Variants in MACROD2 observed in about 807,000 individuals in gnomAD.
MACROD2 encodes the protein ADP-ribose glycohydrolase MACROD2.
A neutral mutation model predicts 70.4 loss-of-function variants in MACROD2; 36 were observed. The observed-to-expected ratio is 0.51, with a 90% CI of 0.39 to 0.68. The LOEUF (loss-of-function observed/expected upper bound fraction) is 0.68, where lower values mean the gene tolerates loss of function less well. MACROD2 is among the 30% of genes least tolerant of loss of function. The pLI is 0.00. For missense variants in MACROD2, 496 were observed against 538.4 expected, an observed-to-expected ratio of 0.92 and a Z score of 0.78; for synonymous variants, 172 against 178.8, an observed-to-expected ratio of 0.96 and a Z score of 0.30.
chr20:14,564,540 A>T (rs1435966648), intron 4 of MACROD2, among the ~76,000 whole-genome samples: 1 of 152,086 alleles, frequency 6.6e-6, no homozygotes, highest in Non-Finnish European at 1.5e-5. Context: ...TGGGCAAAGG[A>T]CATGAACAGA....
intron 5 of MACROD2, among the ~76,000 whole-genome samples, chr20:15,176,739 A>T (rs1427264205): frequency 6.6e-6 from 1 of 152,174 alleles, no homozygotes; most frequent in Admixed American, 6.5e-5. Flanking sequence ...TAACCCAAGC[A>T]GAACTGTAAC....
chr20:15,681,784 G>T (rs1356258490), intron 8 of MACROD2, among the ~76,000 whole-genome samples: 2 of 152,178 alleles, frequency 1.3e-5, no homozygotes, highest in African/African-American at 4.8e-5. Flanking sequence ...AATGTTACAT[G>T]AGGTGTGTAA....
intron 3 of MACROD2, among the ~76,000 whole-genome samples, chr20:14,384,928 A>G (rs1398618949): frequency 2.0e-5 from 3 of 152,124 alleles, no homozygotes; most frequent in African/African-American, 4.8e-5. Flanking sequence ...TTTCACAGTA[A>G]TTATAAATCA....
At chr20:14,201,469 C>A (rs1388681898) in intron 3 of MACROD2, among the ~76,000 whole-genome samples, 1 of 152,170 alleles carries the variant, frequency 6.6e-6, no homozygotes, top group African/African-American at 2.4e-5. Flanking sequence ...AAACTAGAAT[C>A]TAGCCTTCCT....
intron 5 of MACROD2, among the ~76,000 whole-genome samples, chr20:15,180,357 T>C (rs2145901304): frequency 6.6e-6 from 1 of 152,370 alleles, no homozygotes; most frequent in East Asian, 1.9e-4. Context: ...GAAATTTAGA[T>C]GGGGTATAGT....
At chr20:15,214,036 C>T (rs974185098) in intron 5 of MACROD2, among the ~76,000 whole-genome samples, 4 of 152,076 alleles carry the variant, frequency 2.6e-5, no homozygotes, top group African/African-American at 9.7e-5. Flanking sequence ...TGAGCCATGG[C>T]TCCCACCCCC....
chr20:15,615,628 C>A (rs1389564412), intron 8 of MACROD2, among the ~76,000 whole-genome samples: 1 of 152,082 alleles, frequency 6.6e-6, no homozygotes, highest in Non-Finnish European at 1.5e-5. Context: ...CAAGAAGTGA[C>A]CACAGGCCAC....
chr20:14,900,008 A>G (rs2073876886), intron 5 of MACROD2, among the ~76,000 whole-genome samples: 1 of 152,096 alleles, frequency 6.6e-6, no homozygotes, highest in Non-Finnish European at 1.5e-5. Context: ...CTGGTTGAAT[A>G]TTTTCATTAT....
At chr20:15,278,926 T>TTTTTTTTTTTTTTC (rs2077417660) in intron 6 of MACROD2, among the ~76,000 whole-genome samples, 1 of 152,228 alleles carries the variant, frequency 6.6e-6, no homozygotes, top group African/African-American at 2.4e-5. Context: ...AAACTTTTCC[T>TTTTTTTTTTTTTTC]GAATGTGAAA....
At chr20:14,560,423 A>C (rs1180527469) in intron 4 of MACROD2, among the ~76,000 whole-genome samples, 2 of 151,832 alleles carry the variant, frequency 1.3e-5, no homozygotes, top group African/African-American at 4.8e-5. Flanking sequence ...ATTCAGATAC[A>C]GACATCATTC....
intron 5 of MACROD2, among the ~76,000 whole-genome samples, chr20:14,858,689 AG>A (rs1005941576): frequency 2.0e-4 from 30 of 152,242 alleles, no homozygotes; most frequent in African/African-American, 7.0e-4. Flanking sequence ...CATTAAGGAC[AG>A]GATATCGTAT....
Position 15,699,336 on chromosome 20 carries a change from T to C in MACROD2, c.646-163409T>C, listed in dbSNP as rs570192000. ...CTTCCTGAGAGCTGAACTGCAGTAA[T>C]TGTCTCTCTTCTGGGTCTAGCCACC... On this transcript the variant is annotated intron_variant, in intron 8 of 17. Coordinates refer to ENST00000684519, the MANE Select transcript of MACROD2 (RefSeq NM_001351661.2). 4.4e-4 allele frequency among the ~76,000 whole-genome samples: 67 copies of C among 152,270 alleles called. No individual in the cohort carries two copies. The Middle Eastern group carries it at 0.014, about 31-fold the overall frequency.
intron 3 of MACROD2, among the ~76,000 whole-genome samples, chr20:14,487,833 A>G (rs1428210230): frequency 6.6e-6 from 1 of 152,172 alleles, no homozygotes; most frequent in African/African-American, 2.4e-5. Context: ...AAGACTGAGA[A>G]TTATTTTTTG....
At chr20:14,327,402 A>G in intron 3 of MACROD2, 1 of 1,613,702 alleles carries the variant, frequency 6.2e-7, no homozygotes, top group Non-Finnish European at 8.5e-7. Context: ...CATCGCAGCG[A>G]CACACAGATG....
intron 8 of MACROD2, among the ~76,000 whole-genome samples, chr20:15,561,608 T>A (rs1394074413): frequency 2.0e-5 from 3 of 150,482 alleles, no homozygotes; most frequent in South Asian, 4.2e-4. Flanking sequence ...TGAAAATCAA[T>A]TTTTTTTTAA....
chr20:15,585,405 C>T (rs1156360882), intron 8 of MACROD2, among the ~76,000 whole-genome samples: 4 of 151,840 alleles, frequency 2.6e-5, no homozygotes. Flanking sequence ...ACCATGCTGC[C>T]CAGGCTGGTC....
chr20:15,482,262 A>G (rs1374990151), intron 7 of MACROD2, among the ~76,000 whole-genome samples: 15 of 152,228 alleles, frequency 9.9e-5, no homozygotes, highest in South Asian at 4.1e-4. Flanking sequence ...ACTAATAAGT[A>G]TGGTATAATA....
intron 5 of MACROD2, among the ~76,000 whole-genome samples, chr20:14,696,159 GA>G (rs2071123569): frequency 6.6e-6 from 1 of 151,834 alleles, no homozygotes; most frequent in East Asian, 1.9e-4. Context: ...TATTATGAAC[GA>G]AAACTTCTTA....
chr20:15,288,726 A>T (rs2077514043), intron 6 of MACROD2, among the ~76,000 whole-genome samples: 1 of 151,876 alleles, frequency 6.6e-6, no homozygotes, highest in Admixed American at 6.6e-5. Context: ...AGGCCTTTGG[A>T]TTTGTACTGA....
Sources: allele counts gnomAD v4.1 joint callset (sites outside exome capture counted in the v4.1 genomes callset), GRCh38; gene constraint gnomAD v4.1.1; transcripts MANE v1.5; gene names NCBI Gene and HGNC (gene_info 2026-07-23, HGNC 2026-07-21).